Variants in FUT9 observed in about 807,000 individuals in gnomAD.
FUT9 encodes fucosyltransferase 9, also known as 4-galactosyl-N-acetylglucosaminide 3-alpha-L-fucosyltransferase 9.
A neutral mutation model predicts 29.7 loss-of-function variants in FUT9; 15 were observed. The ratio of observed to expected loss-of-function variants is 0.51; its 90% CI spans 0.34 to 0.78. FUT9 has a LOEUF of 0.78. Ranked by LOEUF, FUT9 falls within the 30% of genes least tolerant of loss-of-function variation. The pLI is 0.01. For missense variants in FUT9, 319 were observed against 425.4 expected (o/e 0.75, Z 2.20); for synonymous variants, 169 against 153.7 (o/e 1.10, Z -0.74).
intron 2 of FUT9, among the ~76,000 whole-genome samples, chr6:96,174,807 C>T (rs1250136518): frequency 6.6e-6 from 1 of 152,108 alleles, no homozygotes; most frequent in African/African-American, 2.4e-5. Context: ...TAATAGTAAA[C>T]TCAAAGACTT....
At chr6:96,019,375 G>A (rs781732474) in intron 1 of FUT9, among the ~76,000 whole-genome samples, 31 of 151,694 alleles carry the variant, frequency 2.0e-4, no homozygotes, top group African/African-American at 4.1e-4. Flanking sequence ...GTATTATTAC[G>A]TTTTTATAAG....
At chr6:96,069,455 G>A (rs1306754473) in intron 1 of FUT9, among the ~76,000 whole-genome samples, 1 of 151,860 alleles carries the variant, frequency 6.6e-6, no homozygotes, top group Admixed American at 6.6e-5. Flanking sequence ...TTAGTGACAA[G>A]ATTTTTAAAA....
intron 1 of FUT9, among the ~76,000 whole-genome samples, chr6:96,089,792 TA>T (rs1454347476): frequency 6.6e-6 from 1 of 152,152 alleles, no homozygotes; most frequent in Non-Finnish European, 1.5e-5. Flanking sequence ...TTTTAAGCTA[TA>T]AAAGTGTGGC....
intron 1 of FUT9, among the ~76,000 whole-genome samples, chr6:96,043,347 G>C (rs563590225): frequency 7.9e-5 from 12 of 152,340 alleles, no homozygotes; most frequent in Admixed American, 7.2e-4. Context: ...ACCGCGCCCA[G>C]ACGATTGTTG....
At chr6:96,148,174 G>A (rs1160295058) in intron 2 of FUT9, among the ~76,000 whole-genome samples, 3 of 152,096 alleles carry the variant, frequency 2.0e-5, no homozygotes, top group Non-Finnish European at 4.4e-5. Context: ...ACAGTTTAGT[G>A]CAATAGACTT....
intron 1 of FUT9, among the ~76,000 whole-genome samples, chr6:96,045,640 A>C (rs921115447): frequency 1.3e-5 from 2 of 152,226 alleles, no homozygotes; most frequent in African/African-American, 2.4e-5. Context: ...AAGCAGAGGA[A>C]GTGGGGGAGT....
At chr6:96,172,926 T>G (rs1773140060) in intron 2 of FUT9, among the ~76,000 whole-genome samples, 1 of 152,176 alleles carries the variant, frequency 6.6e-6, no homozygotes, top group African/African-American at 2.4e-5. Context: ...CCTGTACCAT[T>G]GAAAAAATTT....
In FUT9 at chr6:96,019,393, A is replaced by G. The variant is rs569921706; in HGVS notation, c.-98+3181A>G. Reference sequence around the variant, plus strand: ...TTATTACGTTTTTATAAGTATTTGCATTTTTATTTATAAATTCATGTCTCT... The same window carrying G: ...TTATTACGTTTTTATAAGTATTTGCGTTTTTATTTATAAATTCATGTCTCT... On this transcript the variant is annotated intron_variant, in intron 1 of 2. Coordinates refer to ENST00000302103, the MANE Select transcript of FUT9 (RefSeq NM_006581.4). 2.6e-5 allele frequency among the ~76,000 whole-genome samples: 4 copies of G among 151,930 alleles called. No homozygotes were observed. The East Asian group carries it at 7.7e-4, about 29-fold the overall frequency.
At chr6:96,177,732 C>A (rs922796818) in intron 2 of FUT9, among the ~76,000 whole-genome samples, 1 of 152,080 alleles carries the variant, frequency 6.6e-6, no homozygotes, top group Admixed American at 6.6e-5. Context: ...CAGGCAGTTT[C>A]TAAACATTTA....
At chr6:96,170,909 A>G (rs1227970562) in intron 2 of FUT9, among the ~76,000 whole-genome samples, 1 of 152,158 alleles carries the variant, frequency 6.6e-6, no homozygotes, top group Non-Finnish European at 1.5e-5. Flanking sequence ...AAATGAAGTA[A>G]CTGTCTACAC....
chr6:96,044,989 A>T (rs1399645230), intron 1 of FUT9, among the ~76,000 whole-genome samples: 1 of 152,198 alleles, frequency 6.6e-6, no homozygotes, highest in Non-Finnish European at 1.5e-5. Flanking sequence ...TTCATTTGCT[A>T]AAGTTCGATA....
chr6:96,161,463 G>C (rs1772900263), intron 2 of FUT9, among the ~76,000 whole-genome samples: 1 of 152,264 alleles, frequency 6.6e-6, no homozygotes, highest in Admixed American at 6.5e-5. Context: ...ATATGTTGTT[G>C]TAACAGCCTG....
chr6:96,037,667 T>C (rs1562103580), intron 1 of FUT9, among the ~76,000 whole-genome samples: 1 of 129,400 alleles, frequency 7.7e-6, no homozygotes, highest in Non-Finnish European at 1.6e-5. Context: ...TAGTCATTAG[T>C]CATTAGTGTG....
At chr6:96,064,474 G>A (rs1770928975) in intron 1 of FUT9, among the ~76,000 whole-genome samples, 1 of 151,956 alleles carries the variant, frequency 6.6e-6, no homozygotes, top group Admixed American at 6.6e-5. Context: ...AAAATGAGGG[G>A]GCTGATGGCG....
chr6:96,035,389 A>G (rs539030314), intron 1 of FUT9, among the ~76,000 whole-genome samples: 11 of 151,458 alleles, frequency 7.3e-5, no homozygotes, highest in Admixed American at 5.3e-4. Context: ...ATGTCACTCT[A>G]TATTTAGACT....
chr6:96,196,894 AC>A (rs1323689761), intron 2 of FUT9, among the ~76,000 whole-genome samples: 1 of 152,122 alleles, frequency 6.6e-6, no homozygotes, highest in Non-Finnish European at 1.5e-5. Context: ...GCCAGTTCTT[AC>A]ACGGAAAGAT....
chr6:96,141,195 T>C (rs971521873), intron 2 of FUT9, among the ~76,000 whole-genome samples: 4 of 152,220 alleles, frequency 2.6e-5, no homozygotes, highest in African/African-American at 4.8e-5. Flanking sequence ...AATGTATTTT[T>C]ATTACTGTTT....
chr6:96,087,361 AATT>A (rs1438945434), intron 1 of FUT9, among the ~76,000 whole-genome samples: 5 of 124,276 alleles, frequency 4.0e-5, no homozygotes, highest in African/African-American at 5.7e-5. Flanking sequence ...TTTCCCCACA[AATT>A]TTTTTTTTTT....
chr6:96,032,512 A>G (rs532302580), intron 1 of FUT9, among the ~76,000 whole-genome samples: 5 of 151,792 alleles, frequency 3.3e-5, no homozygotes, highest in African/African-American at 1.2e-4. Context: ...TGTATACTAC[A>G]TATTAAATAT....
Sources: gnomAD v4.1 joint callset for allele counts (sites outside exome capture counted in the v4.1 genomes callset) on GRCh38, gnomAD v4.1.1 for gene constraint, MANE v1.5 for transcripts, NCBI Gene and HGNC (gene_info 2026-07-23, HGNC 2026-07-21) for gene names.